KCNIP4: variants seen among roughly 807,000 people sequenced by gnomAD.
The protein encoded by KCNIP4 is Kv channel-interacting protein 4.
KCNIP4 carries 12 observed loss-of-function variants against 34.0 expected under a neutral mutation model. The observed-to-expected ratio is 0.35, with a 90% CI of 0.23 to 0.57. KCNIP4 has a LOEUF of 0.57. KCNIP4 is among the 20% of genes least tolerant of loss of function. The pLI, the probability that KCNIP4 is intolerant of heterozygous loss-of-function variation, is 0.83. For missense variants in KCNIP4, 238 were observed against 311.7 expected (o/e 0.76, Z 1.78); for synonymous variants, 124 against 102.2 (o/e 1.21, Z -1.29).
intron 1 of KCNIP4, chr4:21,847,711 T>C (rs1724111127): frequency 1.3e-5 from 2 of 152,164 alleles, no homozygotes; most frequent in African/African-American, 4.8e-5. Context: ...GCTCTTAGAA[T>C]AGCTGTCACT....
intron 1 of KCNIP4, among the ~76,000 whole-genome samples, chr4:21,128,936 T>C (rs1750837791): frequency 2.0e-5 from 3 of 152,202 alleles, no homozygotes; most frequent in African/African-American, 7.2e-5. Flanking sequence ...ATGGGGCTAT[T>C]AATGCTAATC....
intron 1 of KCNIP4, among the ~76,000 whole-genome samples, chr4:21,938,475 TA>T (rs1480606193): frequency 6.6e-6 from 1 of 152,314 alleles, no homozygotes; most frequent in East Asian, 1.9e-4. Flanking sequence ...TAATATTATT[TA>T]ATCTACAGAA....
chr4:21,013,795 G>A (rs1275541674), intron 1 of KCNIP4, among the ~76,000 whole-genome samples: 3 of 152,148 alleles, frequency 2.0e-5, no homozygotes, highest in African/African-American at 7.2e-5. Context: ...AGAGACCAGA[G>A]TTCCAGTACA....
At chr4:21,125,280 C>T (rs187906176) in intron 1 of KCNIP4, among the ~76,000 whole-genome samples, 2 of 144,844 alleles carry the variant, frequency 1.4e-5, no homozygotes, top group Admixed American at 7.1e-5. Flanking sequence ...TGCAATGGTG[C>T]CATCTCAGCT....
chr4:21,219,969 A>C (rs1757867758), intron 1 of KCNIP4, among the ~76,000 whole-genome samples: 1 of 152,210 alleles, frequency 6.6e-6, no homozygotes, highest in South Asian at 2.1e-4. Flanking sequence ...AGATTTTCTG[A>C]ATTTTAACAA....
Position 20,942,660 on chromosome 4 carries a change from CTTTTAT to C in KCNIP4, c.62-59957_62-59952del, listed in dbSNP as rs535237941. Among the ~76,000 whole-genome samples the C allele has an allele frequency of 3.0e-3, 463 of 152,108 alleles. 3 individuals are homozygous for C. The highest frequency in any genetic ancestry group is 5.1e-3 in the African/African-American group (213 of 41,506). ...ACAAACTAATCTCTGCTATTTCCTT[CTTTTAT>C]TTTTATTTTTATTTTTATTTTTGAG... On this transcript the variant is annotated intron_variant, in intron 1 of 8. Transcript: ENST00000382152.
At chr4:21,780,895 A>C (rs1719534083) in intron 1 of KCNIP4, among the ~76,000 whole-genome samples, 1 of 152,160 alleles carries the variant, frequency 6.6e-6, no homozygotes. Context: ...AGGTAACCCC[A>C]GTCCATCCTT....
chr4:21,012,358 C>T lies in KCNIP4; in HGVS notation c.62-129649G>A, dbSNP rs75638544. ...CTTTAGGAGGCCAAAGCAAGAGGAT[C>T]GCTTGAGTCCAGGAGTTCAAGACCA... On this transcript the variant is annotated intron_variant, in intron 1 of 8. Transcript: ENST00000382152. 7.9e-4 allele frequency among the ~76,000 whole-genome samples: 121 copies of T among 152,230 alleles called. 1 individual carries two copies. In the East Asian group the frequency reaches 0.014, roughly 18 times the overall value.
chr4:21,340,204 T>A (rs1221311656), intron 1 of KCNIP4, among the ~76,000 whole-genome samples: 3 of 152,158 alleles, frequency 2.0e-5, no homozygotes, highest in Admixed American at 6.5e-5. Context: ...ATCATTATTA[T>A]GTTTAAACTG....
chr4:21,033,475 C>T (rs1047038418), intron 1 of KCNIP4, among the ~76,000 whole-genome samples: 11 of 152,172 alleles, frequency 7.2e-5, no homozygotes, highest in Non-Finnish European at 1.0e-4. Context: ...AAATATCCAT[C>T]GGTCTATTGC....
chr4:21,468,108 T>C (rs1472298142), intron 1 of KCNIP4, among the ~76,000 whole-genome samples: 1 of 152,156 alleles, frequency 6.6e-6, no homozygotes, highest in Non-Finnish European at 1.5e-5. Context: ...ATCACATGTT[T>C]GATTTCTTGC....
chr4:21,251,312 T>C (rs1283586220), intron 1 of KCNIP4, among the ~76,000 whole-genome samples: 3 of 152,210 alleles, frequency 2.0e-5, no homozygotes, highest in African/African-American at 7.2e-5. Flanking sequence ...ATTCCTTCTC[T>C]GTGAGCTAAA....
intron 3 of KCNIP4, among the ~76,000 whole-genome samples, chr4:20,813,450 G>C (rs866559888): frequency 3.3e-5 from 5 of 152,130 alleles, no homozygotes; most frequent in Admixed American, 6.5e-5. Context: ...ATTGGATAGT[G>C]CTTGGACAAC....
intron 3 of KCNIP4, among the ~76,000 whole-genome samples, chr4:20,804,544 T>C (rs1372725054): frequency 1.4e-5 from 2 of 147,340 alleles, no homozygotes; most frequent in Admixed American, 1.4e-4. Flanking sequence ...TTACCTAATA[T>C]CTTTGTTTCT....
chr4:21,448,376 T>G (rs938280434), intron 1 of KCNIP4, among the ~76,000 whole-genome samples: 23 of 152,130 alleles, frequency 1.5e-4, no homozygotes, highest in Non-Finnish European at 3.2e-4. Flanking sequence ...TACTGGAAAC[T>G]GGAGGAAAGG....
chr4:21,376,379 T>C (rs1720961077), intron 1 of KCNIP4, among the ~76,000 whole-genome samples: 1 of 123,336 alleles, frequency 8.1e-6, no homozygotes, highest in East Asian at 2.5e-4. Flanking sequence ...ATTTGGATGC[T>C]AGCATGATGC....
At chr4:21,327,652 A>G (rs548814432) in intron 1 of KCNIP4, among the ~76,000 whole-genome samples, 6 of 152,058 alleles carry the variant, frequency 3.9e-5, no homozygotes, top group African/African-American at 1.4e-4. Context: ...CTCTCTCTCT[A>G]TATCTCCTCT....
At chr4:21,936,468 T>G (rs1729868136) in intron 1 of KCNIP4, among the ~76,000 whole-genome samples, 1 of 152,114 alleles carries the variant, frequency 6.6e-6, no homozygotes, top group Non-Finnish European at 1.5e-5. Flanking sequence ...GTCTCAGACA[T>G]GTCTTTATTA....
At chr4:21,089,775 T>C (rs11929723) in intron 1 of KCNIP4, among the ~76,000 whole-genome samples, 1 of 152,168 alleles carries the variant, frequency 6.6e-6, no homozygotes, top group Admixed American at 6.5e-5. Flanking sequence ...GTATCTTCTC[T>C]TGTATACTTG....
Sources: gnomAD v4.1 joint callset for allele counts (sites outside exome capture counted in the v4.1 genomes callset) on GRCh38, gnomAD v4.1.1 for gene constraint, MANE v1.5 for transcripts, NCBI Gene and HGNC (gene_info 2026-07-23, HGNC 2026-07-21) for gene names.